The following THSD7A variants were observed in gnomAD, a reference collection of about 807,000 sequenced individuals.
THSD7A encodes the protein thrombospondin type-1 domain-containing protein 7A.
Under a neutral mutation model 231.3 loss-of-function variants are expected in THSD7A, and 96 were observed. The ratio of observed to expected loss-of-function variants is 0.41; its 90% CI spans 0.35 to 0.49. THSD7A has a LOEUF of 0.49. Among genes scored for constraint, THSD7A ranks in the 20% least tolerant of loss-of-function variants. The pLI is 0.05. For synonymous variants in THSD7A, 940 were observed against 743.3 expected (o/e 1.26, Z -4.30); for missense variants, 2,290 against 2,070.2 (o/e 1.11, Z -2.06).
chr7:11,446,445 G>C lies in THSD7A; in HGVS notation c.2801-121C>G, dbSNP rs899214393. ...TCATTTTTAACCATATTTAACAGTA[G>C]CCTATAAATCAATGCTATTTTCTCA... is the stretch of plus-strand genomic sequence containing the variant. On this transcript the variant is annotated intron_variant, in intron 12 of 27. Coordinates refer to ENST00000423059, the MANE Select transcript of THSD7A (RefSeq NM_015204.3). The surrounding 1 kb of genome is among the most constrained non-coding windows in gnomAD (Gnocchi z 4.0). 2 of 1,138,048 alleles carry C rather than the reference G, an allele frequency of 1.8e-6. No homozygotes were observed. The highest frequency in any genetic ancestry group is 2.5e-6 in the Non-Finnish European group (2 of 805,408). The allele number at this position is 1,138,048 out of a possible 1,614,324, so 70.5% of individuals were successfully genotyped here. A position where few individuals can be genotyped will look rare whatever the true frequency, so the allele number is the denominator to read the frequency against.
intron 1 of THSD7A, among the ~76,000 whole-genome samples, chr7:11,813,994 A>G (rs138809472): frequency 8.3e-4 from 126 of 152,288 alleles, no homozygotes; most frequent in African/African-American, 3.0e-3. Context: ...AATACATGTA[A>G]AACATGGATG....
At chr7:11,588,619 G>T (rs1306071694) in intron 4 of THSD7A, among the ~76,000 whole-genome samples, 1 of 151,834 alleles carries the variant, frequency 6.6e-6, no homozygotes, top group East Asian at 1.9e-4. Flanking sequence ...TGGTTGGGGG[G>T]AGCTCTAAAA....
intron 6 of THSD7A, among the ~76,000 whole-genome samples, chr7:11,504,317 G>T (rs1211967263): frequency 3.3e-5 from 5 of 152,098 alleles, no homozygotes; most frequent in African/African-American, 1.2e-4. Flanking sequence ...TTGATGGGAA[G>T]GGTGGGAGGA....
At chr7:11,642,389 C>G (rs1196504026) in intron 1 of THSD7A, among the ~76,000 whole-genome samples, 3 of 152,102 alleles carry the variant, frequency 2.0e-5, no homozygotes, top group African/African-American at 4.8e-5. Flanking sequence ...GGACAGGCAG[C>G]TTTCCATTTA....
chr7:11,399,989 G>A (rs1370926429), intron 23 of THSD7A, among the ~76,000 whole-genome samples: 5 of 151,994 alleles, frequency 3.3e-5, no homozygotes, highest in African/African-American at 7.3e-5. Context: ...CCATAAAAAA[G>A]GATGAGTTCA....
intron 1 of THSD7A, among the ~76,000 whole-genome samples, chr7:11,764,425 C>CA (rs1371659903): frequency 4.3e-4 from 66 of 151,926 alleles, no homozygotes; most frequent in Non-Finnish European, 1.0e-4. Context: ...ACCAAAAATA[C>CA]AAAAAATTAG....
At chr7:11,524,727 A>G (rs117971314) in intron 6 of THSD7A, among the ~76,000 whole-genome samples, 1,941 of 152,296 alleles carry the variant, frequency 0.013, 16 homozygotes, top group South Asian at 0.02. Flanking sequence ...AATAATGGGA[A>G]CCATTCTGCA....
chr7:11,760,380 A>C (rs1014459578), intron 1 of THSD7A, among the ~76,000 whole-genome samples: 1 of 152,126 alleles, frequency 6.6e-6, no homozygotes. Flanking sequence ...GGCAAAAAAA[A>C]GAAATAGGAT....
At chr7:11,694,338 G>C (rs1339881459) in intron 1 of THSD7A, among the ~76,000 whole-genome samples, 1 of 151,518 alleles carries the variant, frequency 6.6e-6, no homozygotes, top group Non-Finnish European at 1.5e-5. Context: ...AGTTGGGCCT[G>C]CGGGACCACC....
At chr7:11,558,797 C>T (rs964915910) in intron 4 of THSD7A, among the ~76,000 whole-genome samples, 17 of 152,224 alleles carry the variant, frequency 1.1e-4, no homozygotes, top group Admixed American at 6.5e-4. Context: ...AGTTCTATGC[C>T]TTAATCCTTG....
intron 1 of THSD7A, among the ~76,000 whole-genome samples, chr7:11,740,349 C>T (rs1249792416): frequency 1.3e-5 from 2 of 151,960 alleles, no homozygotes; most frequent in Non-Finnish European, 1.5e-5. Context: ...TCCCTGCACT[C>T]CTCTATCTAC....
chr7:11,599,575 A>T (rs1052645206), intron 2 of THSD7A, among the ~76,000 whole-genome samples: 7 of 152,164 alleles, frequency 4.6e-5, no homozygotes, highest in African/African-American at 1.7e-4. Context: ...TGTTAACTTT[A>T]TGTAATAGTA....
chr7:11,411,470 C>T lies in THSD7A; in HGVS notation c.3683-148G>A, dbSNP rs1783785337. 3.3e-6 allele frequency: 2 copies of T among 602,954 alleles called. No homozygotes were observed. Among genetic ancestry groups the T allele is most frequent in the Non-Finnish European group, 5.8e-6 (2 of 342,592 alleles). The allele number at this position is 602,954 out of a possible 1,614,324, so 37.4% of individuals were successfully genotyped here. A position where few individuals can be genotyped will look rare whatever the true frequency, so the allele number is the denominator to read the frequency against. ...TCCCCCATGCAGAGCATATGGGTCC[C>T]AGCTTTGAACGTATCAGGAGTCAAA... On this transcript the variant is annotated intron_variant, in intron 18 of 27. Coordinates refer to ENST00000423059, the MANE Select transcript of THSD7A (RefSeq NM_015204.3). This position sits in a 1 kb window ranked among gnomAD's most constrained non-coding sequence, Gnocchi z 4.1.
At chr7:11,661,939 T>A (rs1376282904) in intron 1 of THSD7A, among the ~76,000 whole-genome samples, 1 of 151,198 alleles carries the variant, frequency 6.6e-6, no homozygotes, top group Non-Finnish European at 1.5e-5. Flanking sequence ...ATTATTAATT[T>A]TGAGTTGACT....
At chr7:11,477,432 T>C (rs992072539) in intron 7 of THSD7A, among the ~76,000 whole-genome samples, 1 of 152,212 alleles carries the variant, frequency 6.6e-6, no homozygotes, top group African/African-American at 2.4e-5. Context: ...TTGATAATGC[T>C]AACTTTGGTC....
chr7:11,586,965 T>C (rs930832840), intron 4 of THSD7A, among the ~76,000 whole-genome samples: 2 of 152,150 alleles, frequency 1.3e-5, no homozygotes, highest in Non-Finnish European at 2.9e-5. Flanking sequence ...TTTTAATATG[T>C]TTTCTACAGA....
chr7:11,680,349 A>G (rs1346512809), intron 1 of THSD7A, among the ~76,000 whole-genome samples: 1 of 152,178 alleles, frequency 6.6e-6, no homozygotes, highest in African/African-American at 2.4e-5. Context: ...AAATTGACAA[A>G]TGGGATCTAA....
intron 1 of THSD7A, among the ~76,000 whole-genome samples, chr7:11,748,480 G>C (rs1026493096): frequency 6.6e-6 from 1 of 151,890 alleles, no homozygotes; most frequent in African/African-American, 2.4e-5. Flanking sequence ...AAAATTGTTA[G>C]TATTTAAATA....
At chr7:11,450,696 A>C (rs1173364018) in intron 11 of THSD7A, among the ~76,000 whole-genome samples, 1 of 152,074 alleles carries the variant, frequency 6.6e-6, no homozygotes, top group Non-Finnish European at 1.5e-5. Context: ...GATCATACTA[A>C]GAGCACAGTT....
Sources: allele counts gnomAD v4.1 joint callset (sites outside exome capture counted in the v4.1 genomes callset), GRCh38; gene constraint gnomAD v4.1.1; non-coding constraint Gnocchi (gnomAD v3.1); transcripts MANE v1.5; gene names NCBI Gene and HGNC (gene_info 2026-07-23, HGNC 2026-07-21).